The following NELL1 variants were observed in gnomAD, a reference collection of about 807,000 sequenced individuals.
The protein encoded by NELL1 is neural EGFL like 1.
In NELL1, 76 loss-of-function variants were observed where a neutral mutation model predicts 107.4. The ratio of observed to expected loss-of-function variants is 0.71; its 90% CI spans 0.59 to 0.86. The LOEUF (loss-of-function observed/expected upper bound fraction) is 0.86, where lower values mean the gene tolerates loss of function less well. Ranked by LOEUF, NELL1 falls within the 40% of genes least tolerant of loss-of-function variation. NELL1 has a pLI of 0.00. For missense variants in NELL1, 1,024 were observed against 1,005.5 expected (o/e 1.02, Z -0.25); for synonymous variants, 353 against 341.2 (o/e 1.03, Z -0.38).
At chr11:21,305,253 T>C (rs751331054) in intron 14 of NELL1, among the ~76,000 whole-genome samples, 2 of 152,042 alleles carry the variant, frequency 1.3e-5, no homozygotes, top group Non-Finnish European at 2.9e-5. Context: ...TAAGAAGTGA[T>C]ATTGTACTCT....
chr11:21,423,759 A>G (rs1266663764), intron 15 of NELL1, among the ~76,000 whole-genome samples: 1 of 152,238 alleles, frequency 6.6e-6, no homozygotes, highest in Non-Finnish European at 1.5e-5. Context: ...AAAGAGATAA[A>G]TGCTATACAG....
At chr11:20,903,525 G>T (rs1235287153) in intron 5 of NELL1, among the ~76,000 whole-genome samples, 4 of 151,998 alleles carry the variant, frequency 2.6e-5, no homozygotes, top group African/African-American at 9.7e-5. Flanking sequence ...CAGTTTGAAG[G>T]CTCAAATTTG....
intron 12 of NELL1, among the ~76,000 whole-genome samples, chr11:21,111,284 A>G (rs760791120): frequency 5.9e-5 from 9 of 152,138 alleles, no homozygotes; most frequent in South Asian, 2.1e-4. Context: ...TGGGCTTAGT[A>G]GAAGCCTAAT....
intron 2 of NELL1, among the ~76,000 whole-genome samples, chr11:20,752,269 G>C (rs1856157694): frequency 6.6e-6 from 1 of 152,086 alleles, no homozygotes; most frequent in African/African-American, 2.4e-5. Context: ...AAAATCCTTG[G>C]CCAGGTGTGG....
At chr11:20,857,055 C>T (rs1848894611) in intron 4 of NELL1, among the ~76,000 whole-genome samples, 1 of 152,182 alleles carries the variant, frequency 6.6e-6, no homozygotes, top group Non-Finnish European at 1.5e-5. Context: ...TGGGAAGGCT[C>T]ATCGCTATTA....
chr11:20,756,647 C>A (rs1417463945), intron 2 of NELL1, among the ~76,000 whole-genome samples: 1 of 147,536 alleles, frequency 6.8e-6, no homozygotes, highest in Non-Finnish European at 1.5e-5. Context: ...AGGCGTGAGC[C>A]ACCACACCAG....
intron 12 of NELL1, among the ~76,000 whole-genome samples, chr11:21,075,882 T>C (rs1010578122): frequency 5.3e-5 from 8 of 152,214 alleles, no homozygotes; most frequent in Admixed American, 1.3e-4. Context: ...AGTATAGTTA[T>C]TGAGCATGGT....
At position 21,334,242 on chromosome 11, in the gene NELL1, T is replaced by C. The variant is rs533363128; in HGVS notation, c.1550-36611T>C. On this transcript the variant is annotated intron_variant, in intron 14 of 19. Coordinates refer to ENST00000357134, the MANE Select transcript of NELL1 (RefSeq NM_006157.5). ...GGAGAAGTGCAGATATTATGGGTGG[T>C]AAATATTGGAGGCCAGGAGTCTAAA... 3.3e-5 allele frequency among the ~76,000 whole-genome samples: 5 copies of C among 152,090 alleles called. No individual in the cohort carries two copies. The South Asian group carries it at 8.3e-4, about 25-fold the overall frequency.
At chr11:21,234,432 G>A (rs1858147703) in intron 14 of NELL1, among the ~76,000 whole-genome samples, 1 of 152,068 alleles carries the variant, frequency 6.6e-6, no homozygotes, top group Non-Finnish European at 1.5e-5. Flanking sequence ...CCAACTTTGG[G>A]GTTTCTCACT....
intron 5 of NELL1, among the ~76,000 whole-genome samples, chr11:20,895,056 G>T (rs1301438672): frequency 2.1e-5 from 3 of 143,014 alleles, no homozygotes; most frequent in African/African-American, 3.0e-5. Context: ...CGGATCACGA[G>T]GTCAGGAGAT....
At chr11:20,714,194 ATTTTTTTT>A (rs34441596) in intron 2 of NELL1, among the ~76,000 whole-genome samples, 7 of 61,772 alleles carry the variant, frequency 1.1e-4, no homozygotes, top group South Asian at 8.5e-4. Context: ...TATCTCCCCG[ATTTTTTTT>A]TTTTTTTTTT....
At chr11:21,023,379 C>G (rs572587835) in intron 12 of NELL1, among the ~76,000 whole-genome samples, 1 of 152,136 alleles carries the variant, frequency 6.6e-6, no homozygotes, top group Admixed American at 6.6e-5. Context: ...AACAATACAG[C>G]CAGCCACAGC....
At chr11:21,384,746 T>G (rs1475981078) in intron 15 of NELL1, among the ~76,000 whole-genome samples, 2 of 152,000 alleles carry the variant, frequency 1.3e-5, no homozygotes, top group Admixed American at 6.6e-5. Flanking sequence ...GATTTCCATT[T>G]TCATCCATGT....
chr11:21,179,862 CTTTTTT>C (rs1164420669), intron 13 of NELL1, among the ~76,000 whole-genome samples: 249 of 75,708 alleles, frequency 3.3e-3, no homozygotes, highest in East Asian at 0.012. Flanking sequence ...AATCAACACA[CTTTTTT>C]TTTTTTTTTT....
At chr11:21,122,461 A>ATATC (rs764704911) in intron 13 of NELL1, among the ~76,000 whole-genome samples, 3 of 152,148 alleles carry the variant, frequency 2.0e-5, no homozygotes, top group African/African-American at 4.8e-5. Flanking sequence ...TGGTACATGC[A>ATATC]TATCTATCTA....
At chr11:20,676,039 G>A (rs1854047284) in intron 1 of NELL1, among the ~76,000 whole-genome samples, 2 of 152,010 alleles carry the variant, frequency 1.3e-5, no homozygotes, top group Admixed American at 6.6e-5. Context: ...GTGAGCCACC[G>A]TGCCTGGGTG....
At chr11:21,492,292 T>G (rs1359395047) in intron 15 of NELL1, among the ~76,000 whole-genome samples, 2 of 151,370 alleles carry the variant, frequency 1.3e-5, no homozygotes, top group African/African-American at 2.4e-5. Context: ...TTTACACTGT[T>G]GGTGGGACTG....
At chr11:21,475,706 G>A (rs536009458) in intron 15 of NELL1, among the ~76,000 whole-genome samples, 96 of 152,270 alleles carry the variant, frequency 6.3e-4, no homozygotes, top group Middle Eastern at 3.4e-3. Flanking sequence ...AAGAACAAAT[G>A]TTTTGTTGTT....
At chr11:21,118,279 AGGGAT>A (rs1855283939) in intron 13 of NELL1, among the ~76,000 whole-genome samples, 1 of 152,000 alleles carries the variant, frequency 6.6e-6, no homozygotes, top group South Asian at 2.1e-4. Context: ...ATACTATGTT[AGGGAT>A]TTACAATGGG....
Sources: allele counts gnomAD v4.1 joint callset (sites outside exome capture counted in the v4.1 genomes callset), GRCh38; gene constraint gnomAD v4.1.1; transcripts MANE v1.5; gene names NCBI Gene and HGNC (gene_info 2026-07-23, HGNC 2026-07-21).